SOS1: variants seen among roughly 807,000 people sequenced by gnomAD.
SOS1 encodes son of sevenless homolog 1.
A neutral mutation model predicts 157.6 loss-of-function variants in SOS1; 25 were observed. The ratio of observed to expected loss-of-function variants is 0.16; its 90% CI spans 0.12 to 0.22. The LOEUF is 0.22. Among genes scored for constraint, SOS1 ranks in the 10% least tolerant of loss-of-function variants. The pLI is 1.00. For missense variants in SOS1, 1,237 were observed against 1,599.1 expected, an observed-to-expected ratio of 0.77 and a Z score of 3.86; for synonymous variants, 528 against 534.0, an observed-to-expected ratio of 0.99 and a Z score of 0.16.
intron 20 of SOS1, among the ~76,000 whole-genome samples, chr2:38,991,265 C>A (rs1214967887): frequency 6.6e-6 from 1 of 151,674 alleles, no homozygotes; most frequent in African/African-American, 2.4e-5. Flanking sequence ...CTTAAACTCA[C>A]AAAAGCCTGG....
chr2:39,101,882 G>C (rs1672979080), intron 1 of SOS1, among the ~76,000 whole-genome samples: 1 of 151,962 alleles, frequency 6.6e-6, no homozygotes, highest in South Asian at 2.1e-4. Flanking sequence ...CCTATGTATT[G>C]AGTTTCATTT....
At chr2:39,071,219 T>C (rs1046771177) in intron 1 of SOS1, among the ~76,000 whole-genome samples, 1 of 152,148 alleles carries the variant, frequency 6.6e-6, no homozygotes, top group South Asian at 2.1e-4. Context: ...CACAATCCTG[T>C]TGCTAACTAG....
intron 3 of SOS1, 62 bp downstream of exon 3, chr2:39,058,611 G>A: frequency 6.6e-7 from 1 of 1,510,522 alleles, no homozygotes; most frequent in Non-Finnish European, 9.2e-7. Flanking sequence ...TATTCTTATT[G>A]TATAAAAATG....
intron 11 of SOS1, among the ~76,000 whole-genome samples, chr2:39,014,539 A>G (rs949465087): frequency 6.6e-5 from 10 of 152,092 alleles, no homozygotes; most frequent in Middle Eastern, 3.2e-3. Flanking sequence ...TGTAAATTTG[A>G]AATTTCAAAT....
intron 1 of SOS1, among the ~76,000 whole-genome samples, chr2:39,093,025 T>A (rs1672645741): frequency 1.3e-5 from 2 of 152,230 alleles, no homozygotes; most frequent in Admixed American, 1.3e-4. Context: ...AAAAGCCACG[T>A]TAAGCATATA....
chr2:39,066,733 T>A (rs1247431968), intron 2 of SOS1, among the ~76,000 whole-genome samples: 1 of 152,210 alleles, frequency 6.6e-6, no homozygotes, highest in African/African-American at 2.4e-5. Flanking sequence ...TCCTAGGTGT[T>A]TAGATGTCTC....
intron 13 of SOS1, among the ~76,000 whole-genome samples, 167 bp downstream of exon 13, chr2:39,013,293 T>C (rs1477886757): frequency 6.6e-6 from 1 of 152,136 alleles, no homozygotes; most frequent in South Asian, 2.1e-4. Context: ...CTTGAGCCAT[T>C]TGCAGGTCTA....
At position 39,057,515 on chromosome 2, in the gene SOS1, T is replaced by C. The variant is rs1671252562; in HGVS notation, c.346-649A>G. ...AATTCTATTTTCCAAACAACCCATT[T>C]AAGGGAAAAAAACAACTTTGAAATA... is the stretch of plus-strand genomic sequence containing the variant. On this transcript the variant is annotated intron_variant, in intron 3 of 22. Coordinates refer to ENST00000402219, the MANE Select transcript of SOS1 (RefSeq NM_005633.4). Among the ~76,000 whole-genome samples, 3 of 152,108 alleles carry C rather than the reference T, an allele frequency of 2.0e-5. No homozygotes were observed. The South Asian group carries it at 6.2e-4, about 31-fold the overall frequency.
intron 6 of SOS1, among the ~76,000 whole-genome samples, chr2:39,044,898 T>C (rs1249215927): frequency 6.6e-6 from 1 of 151,614 alleles, no homozygotes; most frequent in Non-Finnish European, 1.5e-5. Context: ...GTCCCTTTTA[T>C]CGGTGAGGGA....
chr2:39,007,862 C>A (rs1669330987), intron 15 of SOS1, among the ~76,000 whole-genome samples: 1 of 152,056 alleles, frequency 6.6e-6, no homozygotes, highest in African/African-American at 2.4e-5. Flanking sequence ...CATTTAAAGT[C>A]TCTAGTAATG....
At chr2:39,038,368 T>C (rs1157527188) in intron 6 of SOS1, among the ~76,000 whole-genome samples, 1 of 152,150 alleles carries the variant, frequency 6.6e-6, no homozygotes, top group Non-Finnish European at 1.5e-5. Context: ...TGGAGCCTGA[T>C]GATGTGACTT....
chr2:39,117,405 A>G (rs1195774222), intron 1 of SOS1, among the ~76,000 whole-genome samples: 1 of 152,232 alleles, frequency 6.6e-6, no homozygotes, highest in African/African-American at 2.4e-5. Flanking sequence ...TGCAATAGAT[A>G]AGATAGGACT....
In SOS1 at chr2:39,075,000, G is replaced by A. The variant is rs371680819; in HGVS notation, c.88-7247C>T. ...GGCGCAGGTTGTATATCATGCTAAG[G>A]AGTTGGGAAGTGATCAGGGTAGCAG... On this transcript the variant is annotated intron_variant, in intron 1 of 22. Transcript: ENST00000402219. Among the ~76,000 whole-genome samples, 23 of 152,298 alleles carry A rather than the reference G, an allele frequency of 1.5e-4. No individual in the cohort carries two copies. The East Asian group carries it at 2.5e-3, about 17-fold the overall frequency.
chr2:39,059,909 T>C (rs1489695369), intron 2 of SOS1, among the ~76,000 whole-genome samples: 2 of 152,134 alleles, frequency 1.3e-5, no homozygotes, highest in African/African-American at 2.4e-5. Flanking sequence ...AAAGAAATTA[T>C]AGCAGTTAAA....
chr2:38,985,728 T>G lies in SOS1; in HGVS notation c.*96A>C. 7.5e-6 allele frequency: 10 copies of G among 1,326,904 alleles called. No individual in the cohort carries two copies. Among genetic ancestry groups the G allele is most frequent in the African/African-American group, 1.5e-5 (1 of 68,756 alleles). The allele number at this position is 1,326,904 out of a possible 1,614,324, so 82.2% of individuals were successfully genotyped here. The stretch of plus-strand genomic sequence containing the variant: ...GAAGAAGAGTCGTTAGTGTTTGGAG[T>G]TCTCATTTTAACTCCTCAGTGCTGG... On this transcript the variant is annotated 3_prime_UTR_variant, in exon 23 of 23. Coordinates refer to ENST00000402219, the MANE Select transcript of SOS1 (RefSeq NM_005633.4).
chr2:39,009,905 T>C (rs1220274482), intron 15 of SOS1, among the ~76,000 whole-genome samples: 7 of 152,058 alleles, frequency 4.6e-5, no homozygotes, highest in Admixed American at 3.3e-4. Flanking sequence ...ATGAAAAAAA[T>C]TAATGCTACA....
intron 6 of SOS1, among the ~76,000 whole-genome samples, chr2:39,046,495 CTTTTTTTTT>C (rs201639147): frequency 3.2e-5 from 4 of 124,408 alleles, no homozygotes; most frequent in African/African-American, 1.3e-4. Flanking sequence ...GAGACAGTGT[CTTTTTTTTT>C]TTTTTTTTTT....
At chr2:39,042,434 C>T (rs1053512414) in intron 6 of SOS1, among the ~76,000 whole-genome samples, 6 of 152,016 alleles carry the variant, frequency 3.9e-5, no homozygotes, top group African/African-American at 1.5e-4. Flanking sequence ...GATGGAGTCT[C>T]ACTCTGTCAC....
At chr2:39,047,931 G>C (rs769803929) in intron 6 of SOS1, among the ~76,000 whole-genome samples, 3 of 152,186 alleles carry the variant, frequency 2.0e-5, no homozygotes, top group Admixed American at 6.5e-5. Context: ...GTCTCCCAAA[G>C]TGCTGGGATT....
Sources: gnomAD v4.1 joint callset for allele counts (sites outside exome capture counted in the v4.1 genomes callset) on GRCh38, gnomAD v4.1.1 for gene constraint, MANE v1.5 for transcripts, NCBI Gene and HGNC (gene_info 2026-07-23, HGNC 2026-07-21) for gene names.